Variants in C8A observed in about 807,000 individuals in gnomAD.
C8A encodes the protein complement C8 alpha chain.
Under a neutral mutation model 65.3 loss-of-function variants are expected in C8A, and 67 were observed. The observed-to-expected ratio is 1.03, with a 90% CI of 0.84 to 1.26. C8A has a LOEUF of 1.26. Among genes scored for constraint, C8A ranks in the 50% most tolerant of loss-of-function variants. The pLI is 0.00. For synonymous variants in C8A, 290 were observed against 259.4 expected, an observed-to-expected ratio of 1.12 and a Z score of -1.13; for missense variants, 781 against 723.9, an observed-to-expected ratio of 1.08 and a Z score of -0.90.
At chr1:56,883,347 A>T in intron 5 of C8A, 134 bp from the exon 6 acceptor site, 1 of 734,768 alleles carries the variant, frequency 1.4e-6, no homozygotes, top group Non-Finnish European at 2.3e-6. Flanking sequence ...TAATGACTGG[A>T]TTGCCTTATA....
Position 56,886,292 on chromosome 1 carries a change from G to A in C8A, c.1096+125G>A, listed in dbSNP as rs1644299956. On this transcript the variant is annotated intron_variant, in intron 7 of 10. Coordinates refer to ENST00000361249, the MANE Select transcript of C8A (RefSeq NM_000562.3). ...ATTTAGTTTTTAGGACAACTCTATA[G>A]GATAGCATAAGTATTATTACTCCCA... 63 of 1,110,142 alleles carry A rather than the reference G, an allele frequency of 5.7e-5. No individual in the cohort carries two copies. In the South Asian group the frequency reaches 8.1e-4, roughly 14 times the overall value. The allele number at this position is 1,110,142 out of a possible 1,614,324, so 68.8% of individuals were successfully genotyped here. A position where few individuals can be genotyped will look rare whatever the true frequency, so the allele number is the denominator to read the frequency against.
At chr1:56,864,100 A>C (rs1644060902) in intron 1 of C8A, among the ~76,000 whole-genome samples, 1 of 152,224 alleles carries the variant, frequency 6.6e-6, no homozygotes, top group Non-Finnish European at 1.5e-5. Context: ...TTTGATAATT[A>C]AGAATTGAGA....
intron 10 of C8A, among the ~76,000 whole-genome samples, chr1:56,916,773 A>T (rs1644555872): frequency 6.6e-6 from 1 of 152,240 alleles, no homozygotes; most frequent in African/African-American, 2.4e-5. Flanking sequence ...CATCCTTCTC[A>T]TATGATAGCA....
chr1:56,889,218 T>C (rs549194371), intron 7 of C8A, among the ~76,000 whole-genome samples: 48 of 152,308 alleles, frequency 3.2e-4, no homozygotes, highest in Non-Finnish European at 6.0e-4. Context: ...GGAAAGTTAG[T>C]GTTGCTTTTC....
chr1:56,911,231 A>G (rs955700134), intron 9 of C8A, among the ~76,000 whole-genome samples: 5 of 152,210 alleles, frequency 3.3e-5, no homozygotes, highest in African/African-American at 1.2e-4. Context: ...AATGAGGATC[A>G]GACTTAGACA....
intron 1 of C8A, among the ~76,000 whole-genome samples, chr1:56,862,964 T>C (rs1043054486): frequency 1.3e-5 from 2 of 152,084 alleles, no homozygotes; most frequent in Admixed American, 6.6e-5. Context: ...AATAAATAAC[T>C]TGAATACAGA....
rs185476977 is a variant in C8A, at chr1:56,909,583, G to T, written c.1380+1470G>T. On this transcript the variant is annotated intron_variant, in intron 9 of 10. Transcript: ENST00000361249. The stretch of plus-strand genomic sequence containing the variant: ...TAGGCAAGAGGTGAACTTGGTGTTT[G>T]CCTTGAGAAAAACTTCCCTGGGAAG... Among the ~76,000 whole-genome samples the T allele has an allele frequency of 4.6e-5, 7 of 152,296 alleles. No homozygotes were observed. The South Asian group carries it at 6.2e-4, about 14-fold the overall frequency.
At chr1:56,888,886 A>G (rs750654236) in intron 7 of C8A, among the ~76,000 whole-genome samples, 1 of 152,144 alleles carries the variant, frequency 6.6e-6, no homozygotes, top group Non-Finnish European at 1.5e-5. Context: ...CTCATTAGAG[A>G]GGCTAATTAC....
intron 5 of C8A, among the ~76,000 whole-genome samples, chr1:56,881,876 C>T (rs1311827590): frequency 5.9e-5 from 9 of 152,156 alleles, no homozygotes; most frequent in Admixed American, 5.9e-4. Context: ...TAAAATAGAT[C>T]TGAGGCTCTA....
intron 6 of C8A, among the ~76,000 whole-genome samples, chr1:56,884,999 G>T (rs564560912): frequency 1.3e-5 from 2 of 152,016 alleles, no homozygotes; most frequent in African/African-American, 2.4e-5. Context: ...ATTAGCATAG[G>T]AGGTTTCACA....
At chr1:56,895,082 C>T (rs891269918) in intron 7 of C8A, among the ~76,000 whole-genome samples, 1 of 151,992 alleles carries the variant, frequency 6.6e-6, no homozygotes, top group South Asian at 2.1e-4. Context: ...AGTTGAAATC[C>T]AAAGAGGTTA....
At chr1:56,862,362 A>T (rs1286875624) in intron 1 of C8A, among the ~76,000 whole-genome samples, 5 of 152,222 alleles carry the variant, frequency 3.3e-5, no homozygotes, top group Non-Finnish European at 1.5e-5. Context: ...CAGATGATGC[A>T]TACAAAAAGA....
chr1:56,896,764 T>C (rs1401885413), intron 7 of C8A, among the ~76,000 whole-genome samples: 1 of 152,168 alleles, frequency 6.6e-6, no homozygotes, highest in Non-Finnish European at 1.5e-5. Flanking sequence ...ATAACAACTG[T>C]GGAGCTAGGT....
intron 1 of C8A, among the ~76,000 whole-genome samples, chr1:56,857,724 G>A (rs942899195): frequency 2.0e-5 from 3 of 151,394 alleles, no homozygotes; most frequent in African/African-American, 7.3e-5. Context: ...CTTTTTTTGG[G>A]CCATCTTTTA....
intron 10 of C8A, among the ~76,000 whole-genome samples, chr1:56,916,933 C>T (rs990672217): frequency 3.3e-5 from 5 of 152,192 alleles, no homozygotes; most frequent in Non-Finnish European, 1.5e-5. Context: ...GTTTGATTTG[C>T]AGATCCTCAT....
intron 1 of C8A, among the ~76,000 whole-genome samples, chr1:56,860,182 A>G (rs664142): frequency 0.54 from 82,429 of 152,020 alleles, 23,309 homozygotes; most frequent in East Asian, 0.9. Context: ...TTCTGTAAAG[A>G]TGGCATTTAA....
At chr1:56,892,031 T>G (rs550038473) in intron 7 of C8A, among the ~76,000 whole-genome samples, 6 of 152,196 alleles carry the variant, frequency 3.9e-5, no homozygotes, top group East Asian at 1.9e-4. Context: ...TTGAGCTGCA[T>G]TCTCCTTGCT....
chr1:56,911,499 T>C (rs638919), intron 9 of C8A, among the ~76,000 whole-genome samples: 45,664 of 152,082 alleles, frequency 0.3, 7,239 homozygotes, highest in South Asian at 0.49. Context: ...CATCTACTAC[T>C]TCTCAGTCGA....
intron 1 of C8A, among the ~76,000 whole-genome samples, chr1:56,858,490 A>C (rs1643998985): frequency 6.6e-6 from 1 of 152,210 alleles, no homozygotes; most frequent in Non-Finnish European, 1.5e-5. Context: ...AACATAGAGG[A>C]CAACTATCTA....
Sources: allele counts gnomAD v4.1 joint callset (sites outside exome capture counted in the v4.1 genomes callset), GRCh38; gene constraint gnomAD v4.1.1; transcripts MANE v1.5; gene names NCBI Gene and HGNC (gene_info 2026-07-23, HGNC 2026-07-21).